TPCN2: variants seen among roughly 807,000 people sequenced by gnomAD.
TPCN2 encodes two pore channel protein 2.
In TPCN2, 92 loss-of-function variants were observed where a neutral mutation model predicts 111.4. That is an observed-to-expected ratio of 0.83 (90% CI 0.70 to 0.98). The LOEUF (loss-of-function observed/expected upper bound fraction) is 0.98. Among genes scored for constraint, TPCN2 ranks in the 50% least tolerant of loss-of-function variants. The pLI is 0.00. For synonymous variants in TPCN2, 405 were observed against 414.5 expected, an observed-to-expected ratio of 0.98 and a Z score of 0.28; for missense variants, 995 against 980.1, an observed-to-expected ratio of 1.02 and a Z score of -0.20.
rs1855899970 is a variant in TPCN2 at position 69,079,004 on chromosome 11, T to G, written c.1523T>G (p.Leu508Arg). The G allele has an allele frequency of 1.2e-6, 2 of 1,612,408 alleles. No homozygotes were observed. The highest frequency in any genetic ancestry group is 1.7e-6 in the Non-Finnish European group (2 of 1,179,246). ...CCCAGCAACGTGTTTGACGGGCTCC[T>G]CACCGTTGTCCTGCTGGTAAAGTAG... ...SYPSNVFDGL[L>R]TVVLLVLEIS... Residue 508 changes from leucine (L) to arginine (R), a missense_variant, in exon 16 of 25, where the codon CTC (leucine) becomes CGC (arginine). Coordinates refer to ENST00000294309, the MANE Select transcript of TPCN2 (RefSeq NM_139075.4).
chr11:69,049,242 C>G, intron 1 of TPCN2, 136 bp downstream of exon 1: 3 of 522,986 alleles, frequency 5.7e-6, no homozygotes, highest in Non-Finnish European at 8.8e-6. Context: ...CCGGGCCGCG[C>G]CGGGTGCCAG....
At chr11:69,057,491 TG>T in intron 4 of TPCN2, 86 bp from the exon 5 acceptor site, 1 of 1,282,554 alleles carries the variant, frequency 7.8e-7, no homozygotes, top group Non-Finnish European at 1.1e-6. Flanking sequence ...TCTGGTCGCC[TG>T]GTCCCTGCGC....
chr11:69,063,857 G>A (rs375679575), intron 6 of TPCN2, 38 bp from the exon 7 acceptor site: 15 of 1,606,314 alleles, frequency 9.3e-6, no homozygotes, highest in East Asian at 2.2e-5. Flanking sequence ...CTGCCTGCCC[G>A]CCGCCTGGCC....
At chr11:69,049,559 G>T (rs1051958709) in intron 1 of TPCN2, among the ~76,000 whole-genome samples, 1 of 152,242 alleles carries the variant, frequency 6.6e-6, no homozygotes, top group Non-Finnish European at 1.5e-5. Flanking sequence ...ACAGAGAGGC[G>T]TTACCCTACC....
At chr11:69,062,768 C>T (rs900518537) in intron 5 of TPCN2, 116 bp from the exon 6 acceptor site, 6 of 943,350 alleles carry the variant, frequency 6.4e-6, no homozygotes, top group Non-Finnish European at 9.9e-6. Context: ...GGCTCAGTGA[C>T]TCTGGAGTGG....
intron 10 of TPCN2, 115 bp from the exon 11 acceptor site, chr11:69,071,806 GCC>G: frequency 3.5e-6 from 3 of 853,118 alleles, no homozygotes; most frequent in Non-Finnish European, 5.5e-6. Flanking sequence ...GGGGAACTGG[GCC>G]CCCCCCCAAG....
In TPCN2 at chr11:69,056,144, C is replaced by G. The variant is rs553731973; in HGVS notation, c.429+792C>G. 7.9e-5 allele frequency among the ~76,000 whole-genome samples: 12 copies of G among 152,344 alleles called. No homozygotes were observed. In the East Asian group the frequency reaches 2.1e-3, roughly 27 times the overall value. The stretch of plus-strand genomic sequence containing the variant: ...GTCTCAGGGGCCCCCACATCCATGC[C>G]CATGGTGTTAGATCAGGCCCTGGCT... On this transcript the variant is annotated intron_variant, in intron 4 of 24. Transcript: ENST00000294309.
chr11:69,085,872 T>C lies in TPCN2; in HGVS notation c.1945T>C (p.Leu649=), dbSNP rs779519963. 1 of 1,614,180 alleles carries C rather than the reference T, an allele frequency of 6.2e-7. No individual in the cohort carries two copies. Among genetic ancestry groups the C allele is most frequent in the South Asian group, 1.1e-5 (1 of 91,084 alleles). Reference sequence around the variant, plus strand: ...GGCTGCCCTGGTCACTCTGTGGAACTTGATGGTGGTGAACAACTGGCAGGT... The same window carrying C: ...GGCTGCCCTGGTCACTCTGTGGAACCTGATGGTGGTGAACAACTGGCAGGT... ...FAAALVTLWN[L]MVVNNWQVFL... The change falls in exon 22 of 25, where the codon TTG becomes CTG. Residue 649 remains leucine (L), a synonymous_variant. Transcript: ENST00000294309.
intron 19 of TPCN2, chr11:69,084,645 C>T: frequency 1.0e-6 from 1 of 985,452 alleles, no homozygotes; most frequent in Non-Finnish European, 1.2e-6. Flanking sequence ...ACACTTCAGG[C>T]AGTTTTGCCA....
intron 9 of TPCN2, among the ~76,000 whole-genome samples, 197 bp from the exon 10 acceptor site, chr11:69,071,159 G>A (rs1318476847): frequency 8.0e-6 from 1 of 124,604 alleles, no homozygotes; most frequent in African/African-American, 2.9e-5. Context: ...TCACCCCAGG[G>A]ATCCCCCACC....
chr11:69,057,266 G>C (rs1854814466), intron 4 of TPCN2, among the ~76,000 whole-genome samples: 1 of 152,258 alleles, frequency 6.6e-6, no homozygotes, highest in South Asian at 2.1e-4. Context: ...CTTTTCCAGA[G>C]TGCATTCCAT....
At chr11:69,051,620 C>A (rs76169906) in intron 1 of TPCN2, among the ~76,000 whole-genome samples, 1 of 152,320 alleles carries the variant, frequency 6.6e-6, no homozygotes, top group Admixed American at 6.5e-5. Context: ...CCTGGTGTGC[C>A]GGATGCAGCA....
intron 18 of TPCN2, 129 bp downstream of exon 18, chr11:69,081,628 A>C (rs1451064650): frequency 3.3e-6 from 2 of 605,884 alleles, no homozygotes; most frequent in Admixed American, 2.7e-5. Context: ...CCCTGGCTGC[A>C]CCCTCAGCTC....
Position 69,054,071 on chromosome 11 carries a change from G to C in TPCN2, c.148G>C (p.Val50Leu). ...ARWDLCIDQA[V>L]VFIEDAIQYR... Reference sequence around the variant, plus strand: ...GTGGGACCTCTGCATTGATCAGGCTGTGGTCTTCATCGAAGATGCTATTCA... The same window carrying C: ...GTGGGACCTCTGCATTGATCAGGCTCTGGTCTTCATCGAAGATGCTATTCA... The change falls in exon 2 of 25, where the codon GTG (valine) becomes CTG (leucine). Residue 50 changes from valine (V) to leucine (L), a missense_variant. Val to Leu is a conservative substitution (Grantham distance 32). Transcript: ENST00000294309. 1 of 1,613,832 alleles carries C rather than the reference G, an allele frequency of 6.2e-7. No individual in the cohort carries two copies. Among genetic ancestry groups the C allele is most frequent in the Non-Finnish European group, 8.5e-7 (1 of 1,180,002 alleles).
At chr11:69,085,351 G>A (rs1183250389) in intron 20 of TPCN2, 65 bp downstream of exon 20, 2 of 1,432,264 alleles carry the variant, frequency 1.4e-6, no homozygotes, top group African/African-American at 2.8e-5. Flanking sequence ...GGGAAGCCTT[G>A]GCGGTGGCCT....
intron 8 of TPCN2, among the ~76,000 whole-genome samples, chr11:69,070,054 A>C (rs1440921247): frequency 1.4e-5 from 2 of 141,324 alleles, no homozygotes; most frequent in Non-Finnish European, 3.0e-5. Context: ...AGATGGTGCC[A>C]TGCTCTGTCA....
In TPCN2 at chr11:69,063,010, G is replaced by A. The variant is rs1855090327; in HGVS notation, c.653+20G>A. 6.2e-7 allele frequency: 1 copy of A among 1,610,040 alleles called. No homozygotes were observed. Among genetic ancestry groups the A allele is most frequent in the Non-Finnish European group, 8.5e-7 (1 of 1,176,554 alleles). ...GGCCAGGTGGGCTCTTGGTGCTCTG[G>A]GCTCGCAGGGTTGGGAAGGGGCTCT... On this transcript the variant is annotated intron_variant, in intron 6 of 24. Coordinates refer to ENST00000294309, the MANE Select transcript of TPCN2 (RefSeq NM_139075.4).
intron 7 of TPCN2, among the ~76,000 whole-genome samples, chr11:69,064,348 TCTGGTTTCTCCTCCAGCC>T (rs1855168466): frequency 7.7e-6 from 1 of 129,186 alleles, no homozygotes; most frequent in Non-Finnish European, 1.6e-5. Context: ...GGGTGGGTCC[TCTGGTTTCTCCTCCAGCC>T]CTGTTCATCC....
chr11:69,052,781 C>T (rs570860436), intron 1 of TPCN2, among the ~76,000 whole-genome samples: 3 of 152,174 alleles, frequency 2.0e-5, no homozygotes, highest in Non-Finnish European at 4.4e-5. Flanking sequence ...TGGGGACCAG[C>T]ACCTCCTGAG....
Sources: gnomAD v4.1 joint callset for allele counts (sites outside exome capture counted in the v4.1 genomes callset) on GRCh38, gnomAD v4.1.1 for gene constraint, MANE v1.5 for transcripts, NCBI Gene and HGNC (gene_info 2026-07-23, HGNC 2026-07-21) for gene names.